TANGO6: variants seen among roughly 807,000 people sequenced by gnomAD.
TANGO6 encodes the protein transport and Golgi organization protein 6 homolog.
In TANGO6, 90 loss-of-function variants were observed where a neutral mutation model predicts 114.2. The ratio of observed to expected loss-of-function variants is 0.79; its 90% CI spans 0.66 to 0.94. The LOEUF (loss-of-function observed/expected upper bound fraction) is 0.94, where lower values mean the gene tolerates loss of function less well. TANGO6 is among the 40% of genes least tolerant of loss of function. TANGO6 has a pLI of 0.00. For synonymous variants in TANGO6, 477 were observed against 509.8 expected (o/e 0.94, Z 0.87); for missense variants, 1,274 against 1,315.3 (o/e 0.97, Z 0.49).
intron 17 of TANGO6, among the ~76,000 whole-genome samples, chr16:69,064,756 G>T (rs915398121): frequency 6.6e-6 from 1 of 152,184 alleles, no homozygotes; most frequent in African/African-American, 2.4e-5. Context: ...GCTTCATAGG[G>T]TTAAATGAGA....
At chr16:69,077,270 G>A (rs1365301619) in intron 17 of TANGO6, among the ~76,000 whole-genome samples, 1 of 151,816 alleles carries the variant, frequency 6.6e-6, no homozygotes, top group Admixed American at 6.6e-5. Context: ...TACCCAGGCT[G>A]GAAGAATTTT....
intron 15 of TANGO6, among the ~76,000 whole-genome samples, chr16:69,019,080 A>G (rs1261388523): frequency 1.3e-5 from 2 of 152,184 alleles, no homozygotes; most frequent in Non-Finnish European, 2.9e-5. Context: ...TAATTCTGTC[A>G]TGTTCATTTT....
chr16:68,945,867 G>A (rs1027599360), intron 14 of TANGO6, among the ~76,000 whole-genome samples: 1 of 152,092 alleles, frequency 6.6e-6, no homozygotes, highest in Non-Finnish European at 1.5e-5. Context: ...TGTATTTTTA[G>A]TAGAGACAGG....
intron 14 of TANGO6, among the ~76,000 whole-genome samples, chr16:68,940,954 T>C (rs926875177): frequency 1.3e-5 from 2 of 152,214 alleles, no homozygotes; most frequent in Admixed American, 1.3e-4. Context: ...TTTGCATTTA[T>C]TTATAGTCTT....
At chr16:68,909,124 G>C (rs1962889284) in intron 10 of TANGO6, 87 bp from the exon 11 acceptor site, 2 of 1,138,928 alleles carry the variant, frequency 1.8e-6, no homozygotes, top group African/African-American at 1.6e-5. Context: ...TAAACATGCA[G>C]TTCAAACAGA....
At chr16:68,897,911 C>A (rs184972834) in intron 7 of TANGO6, among the ~76,000 whole-genome samples, 1 of 152,228 alleles carries the variant, frequency 6.6e-6, no homozygotes, top group East Asian at 1.9e-4. Context: ...CAACATATAA[C>A]CCTGAGGAAT....
intron 14 of TANGO6, among the ~76,000 whole-genome samples, chr16:68,939,112 C>CA (rs920423810): frequency 6.6e-5 from 9 of 136,356 alleles, no homozygotes; most frequent in African/African-American, 1.3e-4. Flanking sequence ...ATAACAACAA[C>CA]AAAAAAAACC....
intron 15 of TANGO6, among the ~76,000 whole-genome samples, chr16:69,006,664 T>G (rs964764301): frequency 2.0e-5 from 3 of 152,040 alleles, no homozygotes; most frequent in Non-Finnish European, 4.4e-5. Flanking sequence ...GGCAGGAGAA[T>G]CCCTTGAACC....
rs1455114085 is a variant in TANGO6 at position 68,909,294 on chromosome 16, A to C, written c.1884A>C (p.Gln628His). ...GCAAGAGCCTCTTGGAATTAGAGCA[A>C]CATCAGACTCTTCTTGTGGAAGGCC... is the stretch of plus-strand genomic sequence containing the variant. Reference protein sequence around the residue: ...FSSKSLLELEQHQTLLVEGQE... With the variant: ...FSSKSLLELEHHQTLLVEGQE... The change falls in exon 11 of 18, where the codon CAA becomes CAC. Residue 628 changes from glutamine (Q) to histidine (H), a missense_variant. By Grantham distance (24) the Gln-to-His change is conservative. Around this residue, in one of 5 missense-constraint regions of TANGO6, gnomAD observed 908 missense variants for 910.2 expected, o/e 1.00. Transcript: ENST00000261778. 1 of 1,612,000 alleles carries C rather than the reference A, an allele frequency of 6.2e-7. No individual in the cohort carries two copies. The highest frequency in any genetic ancestry group is 8.5e-7 in the Non-Finnish European group (1 of 1,178,948).
intron 15 of TANGO6, among the ~76,000 whole-genome samples, chr16:68,984,402 TC>T (rs1963871933): frequency 6.6e-6 from 1 of 152,224 alleles, no homozygotes; most frequent in African/African-American, 2.4e-5. Flanking sequence ...ATTTTTCCTT[TC>T]CCGTTTCTCT....
chr16:69,030,775 G>A (rs1218318937), intron 16 of TANGO6, among the ~76,000 whole-genome samples: 1 of 152,020 alleles, frequency 6.6e-6, no homozygotes, highest in African/African-American at 2.4e-5. Flanking sequence ...GTGAGGGCCG[G>A]GCGCGGTGGC....
intron 1 of TANGO6, among the ~76,000 whole-genome samples, chr16:68,854,064 G>T (rs1378762930): frequency 6.6e-6 from 1 of 152,038 alleles, no homozygotes; most frequent in Non-Finnish European, 1.5e-5. Flanking sequence ...CCTATCTGTG[G>T]CTTGCCTTTT....
intron 7 of TANGO6, among the ~76,000 whole-genome samples, chr16:68,892,442 A>T (rs563908914): frequency 6.6e-6 from 1 of 151,802 alleles, no homozygotes; most frequent in African/African-American, 2.4e-5. Context: ...TTGGCCTCTG[A>T]CTTTGCCCCT....
At chr16:69,037,783 C>T (rs1323374988) in intron 16 of TANGO6, among the ~76,000 whole-genome samples, 1 of 152,212 alleles carries the variant, frequency 6.6e-6, no homozygotes, top group Non-Finnish European at 1.5e-5. Context: ...GATTTTCCTT[C>T]ACTTGCAAGC....
chr16:68,911,480 G>A (rs752182398), intron 11 of TANGO6, among the ~76,000 whole-genome samples: 1 of 147,036 alleles, frequency 6.8e-6, no homozygotes, highest in Non-Finnish European at 1.5e-5. Context: ...GCAGTGGTGC[G>A]ATCTCGGCTC....
intron 9 of TANGO6, among the ~76,000 whole-genome samples, chr16:68,906,698 C>G (rs570006995): frequency 1.3e-5 from 2 of 152,244 alleles, no homozygotes; most frequent in East Asian, 3.9e-4. Flanking sequence ...GTCTCCCTGC[C>G]TCAGCCTCCT....
intron 15 of TANGO6, among the ~76,000 whole-genome samples, chr16:68,986,695 A>C (rs972171199): frequency 2.0e-5 from 3 of 152,100 alleles, no homozygotes; most frequent in Non-Finnish European, 2.9e-5. Flanking sequence ...ACTTGAGGTC[A>C]GGAGTTCAAG....
chr16:68,867,544 TA>T (rs1260069713), intron 4 of TANGO6: 1 of 230,120 alleles, frequency 4.3e-6, no homozygotes, highest in Non-Finnish European at 8.5e-6. Flanking sequence ...AAATGTTAAA[TA>T]AAGCTAGGTG....
chr16:68,873,306 GT>G (rs1244889628), intron 4 of TANGO6, among the ~76,000 whole-genome samples: 4 of 151,822 alleles, frequency 2.6e-5, no homozygotes, highest in Admixed American at 2.6e-4. Flanking sequence ...ATTTATTCAT[GT>G]TTTTTGTTTG....
Sources: gnomAD v4.1 joint callset for allele counts (sites outside exome capture counted in the v4.1 genomes callset) on GRCh38, gnomAD v4.1.1 for gene constraint, gnomAD v4.1.1 regional missense constraint, MANE v1.5 for transcripts, NCBI Gene and HGNC (gene_info 2026-07-23, HGNC 2026-07-21) for gene names.